Variants in ATF2 observed in about 807,000 individuals in gnomAD.
ATF2 encodes activating transcription factor 2.
A neutral mutation model predicts 60.6 loss-of-function variants in ATF2; 24 were observed. That is an observed-to-expected ratio of 0.40 (90% confidence interval 0.29 to 0.56). ATF2 has a LOEUF of 0.56. ATF2 is among the 20% of genes least tolerant of loss of function. The pLI is 0.54. For missense variants in ATF2, 433 were observed against 607.7 expected (o/e 0.71, Z 3.02); for synonymous variants, 206 against 215.4 (o/e 0.96, Z 0.38).
chr2:175,133,795 A>G (rs1445998521), intron 3 of ATF2, among the ~76,000 whole-genome samples: 1 of 152,192 alleles, frequency 6.6e-6, no homozygotes, highest in African/African-American at 2.4e-5. Flanking sequence ...CAAAGGTTAA[A>G]CAGGACACAA....
intron 2 of ATF2, among the ~76,000 whole-genome samples, chr2:175,150,649 T>TC (rs1699250798): frequency 7.1e-6 from 1 of 141,710 alleles, no homozygotes; most frequent in Non-Finnish European, 1.6e-5. Context: ...CATTAGCTTG[T>TC]ACGGCCCTAG....
chr2:175,078,809 A>G (rs184988206), intron 13 of ATF2, among the ~76,000 whole-genome samples: 111 of 152,302 alleles, frequency 7.3e-4, no homozygotes, highest in Admixed American at 1.4e-3. Flanking sequence ...TTACTACTAC[A>G]CAACAGAGAA....
intron 2 of ATF2, among the ~76,000 whole-genome samples, chr2:175,139,676 AAAAG>A (rs1698374126): frequency 1.3e-5 from 2 of 151,860 alleles, no homozygotes; most frequent in African/African-American, 4.8e-5. Flanking sequence ...AAAAAAAAAA[AAAAG>A]AAAAGAAAGA....
intron 10 of ATF2, among the ~76,000 whole-genome samples, chr2:175,109,424 T>C (rs1444145486): frequency 6.6e-6 from 1 of 152,172 alleles, no homozygotes; most frequent in Non-Finnish European, 1.5e-5. Flanking sequence ...AACTAATCTA[T>C]GGTTACAAAC....
At chr2:175,134,205 C>T (rs1261678830) in intron 3 of ATF2, among the ~76,000 whole-genome samples, 1 of 152,124 alleles carries the variant, frequency 6.6e-6, no homozygotes, top group African/African-American at 2.4e-5. Flanking sequence ...ATTCACACAG[C>T]ATATGCATTG....
At chr2:175,148,189 C>T (rs1279985902) in intron 2 of ATF2, among the ~76,000 whole-genome samples, 3 of 152,056 alleles carry the variant, frequency 2.0e-5, no homozygotes, top group South Asian at 2.1e-4. Context: ...TGATTGGATC[C>T]GAGAGTCTCC....
chr2:175,141,855 T>G (rs1698568683), intron 2 of ATF2, among the ~76,000 whole-genome samples: 1 of 152,128 alleles, frequency 6.6e-6, no homozygotes, highest in Non-Finnish European at 1.5e-5. Context: ...TATCTACATG[T>G]GTTACTTCAG....
At chr2:175,132,045 A>T (rs952199938) in intron 3 of ATF2, among the ~76,000 whole-genome samples, 1 of 152,216 alleles carries the variant, frequency 6.6e-6, no homozygotes, top group Non-Finnish European at 1.5e-5. Context: ...ACACAGCTGA[A>T]TTCTCCTATG....
Position 175,093,256 on chromosome 2 carries a change from A to C in ATF2, c.990T>G (p.Ala330=). The change falls in exon 12 of 14, where the codon GCT becomes GCG. Residue 330 remains alanine, a synonymous_variant. Transcript: ENST00000264110. ...TACTTTGGGTCTGTGGAGTTGTGTGAGCTGGAGAAGCCTATTATAAACAGA... is the reference window on the plus strand; with the variant it reads ...TACTTTGGGTCTGTGGAGTTGTGTGCGCTGGAGAAGCCTATTATAAACAGA... The part of the protein sequence containing the change: ...TSTTETPASP[A]HTTPQTQSTS... 1 of 1,613,934 alleles carries C rather than the reference A, an allele frequency of 6.2e-7. No individual in the cohort carries two copies. Among genetic ancestry groups the C allele is most frequent in the Non-Finnish European group, 8.5e-7 (1 of 1,179,944 alleles).
At chr2:175,166,265 T>C (rs765048850) in intron 1 of ATF2, among the ~76,000 whole-genome samples, 1 of 152,218 alleles carries the variant, frequency 6.6e-6, no homozygotes, top group Non-Finnish European at 1.5e-5. Context: ...TTAATGGCAG[T>C]AGCATTCTCT....
chr2:175,167,144 T>C (rs141923197), intron 1 of ATF2, among the ~76,000 whole-genome samples: 84 of 152,280 alleles, frequency 5.5e-4, no homozygotes, highest in Non-Finnish European at 1.1e-3. Context: ...GCCAATTTTA[T>C]ACTACCTAGG....
intron 12 of ATF2, among the ~76,000 whole-genome samples, chr2:175,089,512 T>C (rs1263748591): frequency 6.6e-6 from 1 of 152,180 alleles, no homozygotes; most frequent in African/African-American, 2.4e-5. Context: ...AATACAGAAT[T>C]GATTAATGTT....
At chr2:175,114,327 AG>A in intron 8 of ATF2, 1 of 1,287,300 alleles carries the variant, frequency 7.8e-7, no homozygotes, top group Non-Finnish European at 9.8e-7. Flanking sequence ...GGATTTACTT[AG>A]GACAATCTCC....
At chr2:175,103,585 T>C (rs1425678235) in intron 10 of ATF2, among the ~76,000 whole-genome samples, 1 of 151,626 alleles carries the variant, frequency 6.6e-6, no homozygotes, top group East Asian at 1.9e-4. Flanking sequence ...TTTGCCAAGA[T>C]GCCCTCTGTC....
chr2:175,084,022 GGA>G (rs1553501217), intron 12 of ATF2, among the ~76,000 whole-genome samples: 2 of 152,114 alleles, frequency 1.3e-5, no homozygotes, highest in Non-Finnish European at 2.9e-5. Context: ...TGGAGAAATA[GGA>G]ACACTTTTAC....
chr2:175,083,442 A>G (rs1444382891), intron 12 of ATF2, among the ~76,000 whole-genome samples: 4 of 152,236 alleles, frequency 2.6e-5, no homozygotes, highest in Non-Finnish European at 5.9e-5. Context: ...CTGGCTAGCC[A>G]TATGTAGAAA....
intron 3 of ATF2, among the ~76,000 whole-genome samples, chr2:175,131,484 A>G (rs998694849): frequency 2.0e-5 from 3 of 152,224 alleles, no homozygotes; most frequent in Admixed American, 6.5e-5. Flanking sequence ...CTAGGCAGAG[A>G]CAAAAAGCAG....
At chr2:175,160,253 C>T (rs943930174) in intron 1 of ATF2, among the ~76,000 whole-genome samples, 11 of 152,100 alleles carry the variant, frequency 7.2e-5, no homozygotes, top group Non-Finnish European at 1.3e-4. Flanking sequence ...GGTATAGTAG[C>T]ACATGCCTGT....
Position 175,153,699 on chromosome 2 carries a change from G to A in ATF2, c.-142-2541C>T, listed in dbSNP as rs535498645. On this transcript the variant is annotated intron_variant, in intron 1 of 13. Transcript: ENST00000264110. ...CAAAAAATTAGCCGGGCATGGTGGC[G>A]GATGCCTGTAGTCCCAGCTACTTGG... Among the ~76,000 whole-genome samples, 12 of 151,624 alleles carry A rather than the reference G, an allele frequency of 7.9e-5. No individual in the cohort carries two copies. In the East Asian group the frequency reaches 1.4e-3, roughly 17 times the overall value.
Sources: gnomAD v4.1 joint callset for allele counts (sites outside exome capture counted in the v4.1 genomes callset) on GRCh38, gnomAD v4.1.1 for gene constraint, MANE v1.5 for transcripts, NCBI Gene and HGNC (gene_info 2026-07-23, HGNC 2026-07-21) for gene names.